Variants in ABHD17B observed in about 807,000 individuals in gnomAD.
ABHD17B encodes abhydrolase domain containing 17B, depalmitoylase, also known as alpha/beta hydrolase domain-containing protein 17B.
In ABHD17B, 9 loss-of-function variants were observed where a neutral mutation model predicts 26.2. The observed-to-expected ratio is 0.34, with a 90% CI of 0.21 to 0.60. ABHD17B has a LOEUF of 0.60. Among genes scored for constraint, ABHD17B ranks in the 20% least tolerant of loss-of-function variants. ABHD17B has a pLI of 0.80. For missense variants in ABHD17B, 224 were observed against 352.1 expected (o/e 0.64, Z 2.91); for synonymous variants, 127 against 122.3 (o/e 1.04, Z -0.25).
At chr9:71,894,317 G>A (rs185261625) in intron 1 of ABHD17B, among the ~76,000 whole-genome samples, 1 of 152,066 alleles carries the variant, frequency 6.6e-6, no homozygotes, top group East Asian at 1.9e-4. Flanking sequence ...TATAAAACTG[G>A]ATTAAGGTAA....
At chr9:71,875,385 C>T (rs1006132422) in intron 1 of ABHD17B, among the ~76,000 whole-genome samples, 16 of 152,072 alleles carry the variant, frequency 1.1e-4, no homozygotes, top group African/African-American at 3.9e-4. Context: ...GCCACCACAC[C>T]CGGTTAATTT....
rs11419236 is a variant in ABHD17B, at chr9:71,874,177, ATTTT to A, written c.467+433_467+436del. Among the ~76,000 whole-genome samples, 3 of 147,122 alleles carry A rather than the reference ATTTT, an allele frequency of 2.0e-5. No homozygotes were observed. In the Admixed American group the frequency reaches 2.0e-4, roughly 10 times the overall value. ...AACCAAACATTTGTCACTGGATTTA[ATTTT>A]TTTTTTTTTTTAACTTTTTAAGAGA... On this transcript the variant is annotated intron_variant, in intron 2 of 3. Coordinates refer to ENST00000333421, the MANE Select transcript of ABHD17B (RefSeq NM_001025780.3).
At chr9:71,891,149 C>T (rs1009141409) in intron 1 of ABHD17B, among the ~76,000 whole-genome samples, 3 of 152,142 alleles carry the variant, frequency 2.0e-5, no homozygotes, top group Admixed American at 1.3e-4. Context: ...AAATTCTCCT[C>T]GAAATTTAAA....
chr9:71,865,873 A>G lies in ABHD17B; in HGVS notation c.*914T>C. The G allele has an allele frequency of 1.0e-6, 1 of 985,180 alleles. No homozygotes were observed. The highest frequency in any genetic ancestry group is 1.2e-6 in the Non-Finnish European group (1 of 829,732). 61.0% of individuals were successfully genotyped at this position (985,180 alleles called of 1,614,324 possible). A position where few individuals can be genotyped will look rare whatever the true frequency, so the allele number is the denominator to read the frequency against. Reference sequence around the variant, plus strand: ...AAGACTCCATCTCAAAAAATGAAAAAAATAGCCAAAGTGAAAAGGGATCTG... The same window carrying G: ...AAGACTCCATCTCAAAAAATGAAAAGAATAGCCAAAGTGAAAAGGGATCTG... On this transcript the variant is annotated 3_prime_UTR_variant, in exon 4 of 4. Coordinates refer to ENST00000333421, the MANE Select transcript of ABHD17B (RefSeq NM_001025780.3).
chr9:71,870,757 T>C (rs1477675030), intron 2 of ABHD17B, among the ~76,000 whole-genome samples: 1 of 152,200 alleles, frequency 6.6e-6, no homozygotes, highest in Non-Finnish European at 1.5e-5. Context: ...AATGAATATA[T>C]GTATGGTTTT....
chr9:71,906,486 C>T (rs190464912), intron 1 of ABHD17B, among the ~76,000 whole-genome samples: 537 of 152,222 alleles, frequency 3.5e-3, no homozygotes, highest in African/African-American at 0.012. Flanking sequence ...TATTTCAATG[C>T]GTATATGCAT....
intron 3 of ABHD17B, among the ~76,000 whole-genome samples, chr9:71,868,200 C>T (rs1032646311): frequency 6.6e-6 from 1 of 151,526 alleles, no homozygotes; most frequent in Non-Finnish European, 1.5e-5. Flanking sequence ...GCCTGGGTGT[C>T]GCAGCGAGAC....
Position 71,866,453 on chromosome 9 carries a change from T to C in ABHD17B, c.*334A>G. Reference sequence around the variant, plus strand: ...ATATATTGAGATGTTTTAAAAATATTTATAAATTTGTTTCTAGTATGCAAA... The same window carrying C: ...ATATATTGAGATGTTTTAAAAATATCTATAAATTTGTTTCTAGTATGCAAA... On this transcript the variant is annotated 3_prime_UTR_variant, in exon 4 of 4. Transcript: ENST00000333421. The C allele has an allele frequency of 9.9e-7, 1 of 1,010,604 alleles. No homozygotes were observed. Among genetic ancestry groups the C allele is most frequent in the Non-Finnish European group, 1.2e-6 (1 of 838,262 alleles). 62.6% of individuals were successfully genotyped at this position (1,010,604 alleles called of 1,614,324 possible). A position where few individuals can be genotyped will look rare whatever the true frequency, so the allele number is the denominator to read the frequency against.
chr9:71,894,921 T>G (rs915369952), intron 1 of ABHD17B, among the ~76,000 whole-genome samples: 5 of 152,218 alleles, frequency 3.3e-5, no homozygotes, highest in African/African-American at 7.2e-5. Context: ...TCCTTATTAG[T>G]TTTGAACCAT....
chr9:71,866,314 G>C lies in ABHD17B; in HGVS notation c.*473C>G, dbSNP rs1263308536. ...CAACAGGGTTTAGGTTAATTCTAGTGAACTTGCATGGTTTTAAATCTCTTT... is the reference window on the plus strand; with the variant it reads ...CAACAGGGTTTAGGTTAATTCTAGTCAACTTGCATGGTTTTAAATCTCTTT... On this transcript the variant is annotated 3_prime_UTR_variant, in exon 4 of 4. Transcript: ENST00000333421. 1 of 989,776 alleles carries C rather than the reference G, an allele frequency of 1.0e-6. No homozygotes were observed. Among genetic ancestry groups the C allele is most frequent in the African/African-American group, 1.7e-5 (1 of 57,220 alleles). The allele number at this position is 989,776 out of a possible 1,614,324, so 61.3% of individuals were successfully genotyped here.
chr9:71,897,872 T>C (rs1827004309), intron 1 of ABHD17B, among the ~76,000 whole-genome samples: 4 of 152,310 alleles, frequency 2.6e-5, no homozygotes, highest in Admixed American at 6.5e-5. Flanking sequence ...TTTGAAGAAA[T>C]AGCACTACTC....
At chr9:71,889,582 G>C (rs146787007) in intron 1 of ABHD17B, among the ~76,000 whole-genome samples, 50 of 152,234 alleles carry the variant, frequency 3.3e-4, no homozygotes, top group African/African-American at 1.2e-3. Flanking sequence ...GATACTGGTG[G>C]GGGACAGCTA....
intron 1 of ABHD17B, among the ~76,000 whole-genome samples, chr9:71,906,700 C>G (rs893655754): frequency 4.6e-5 from 7 of 152,098 alleles, no homozygotes; most frequent in African/African-American, 1.7e-4. Context: ...TACCTGTAGT[C>G]CCAGATGCTC....
chr9:71,865,305 A>G lies in ABHD17B; in HGVS notation c.*1482T>C. On this transcript the variant is annotated 3_prime_UTR_variant, in exon 4 of 4. Transcript: ENST00000333421. ...TTAAAACTACATAAGGCCTTAAAATATATCCACAGTGTGTATTATTTCCAT... is the reference window on the plus strand; with the variant it reads ...TTAAAACTACATAAGGCCTTAAAATGTATCCACAGTGTGTATTATTTCCAT... The G allele has an allele frequency of 2.0e-6, 2 of 985,558 alleles. No homozygotes were observed. Among genetic ancestry groups the G allele is most frequent in the East Asian group, 1.1e-4 (1 of 8,814 alleles). The allele number at this position is 985,558 out of a possible 1,614,324, so 61.1% of individuals were successfully genotyped here.
At chr9:71,877,393 A>G (rs1346624048) in intron 1 of ABHD17B, among the ~76,000 whole-genome samples, 4 of 152,212 alleles carry the variant, frequency 2.6e-5, no homozygotes, top group Non-Finnish European at 5.9e-5. Context: ...CTATAGTCCT[A>G]TAATTTATCT....
At chr9:71,894,647 CA>C (rs1280329067) in intron 1 of ABHD17B, among the ~76,000 whole-genome samples, 1 of 152,046 alleles carries the variant, frequency 6.6e-6, no homozygotes, top group Non-Finnish European at 1.5e-5. Context: ...AGTCTTATTT[CA>C]AAAGGAACTA....
intron 1 of ABHD17B, among the ~76,000 whole-genome samples, chr9:71,882,549 T>C (rs1011625193): frequency 6.6e-5 from 10 of 151,782 alleles, no homozygotes; most frequent in Non-Finnish European, 1.3e-4. Context: ...TCCCAGCTAC[T>C]TGGGAGGCTG....
rs562323975 is a variant in ABHD17B, at chr9:71,872,351, T to C, written c.468-2089A>G. 4.3e-4 allele frequency among the ~76,000 whole-genome samples: 66 copies of C among 152,128 alleles called. 1 individual carries two copies. Among genetic ancestry groups the C allele is most frequent in the Non-Finnish European group, 8.2e-4 (56 of 68,000 alleles). ...TGATTAACACTGGCTATCAAATATGTTAAAAAAATTAAGGCTGAAAATCAT... is the reference window on the plus strand; with the variant it reads ...TGATTAACACTGGCTATCAAATATGCTAAAAAAATTAAGGCTGAAAATCAT... On this transcript the variant is annotated intron_variant, in intron 2 of 3. Transcript: ENST00000333421.
chr9:71,892,308 G>A (rs1589225661), intron 1 of ABHD17B, among the ~76,000 whole-genome samples: 2 of 151,982 alleles, frequency 1.3e-5, no homozygotes, highest in Admixed American at 6.6e-5. Context: ...CGAGGTGGGC[G>A]AATCACGAGG....
Sources: allele counts gnomAD v4.1 joint callset (sites outside exome capture counted in the v4.1 genomes callset), GRCh38; gene constraint gnomAD v4.1.1; transcripts MANE v1.5; gene names NCBI Gene and HGNC (gene_info 2026-07-23, HGNC 2026-07-21).